The following MACROD2 variants were observed in gnomAD, a reference collection of about 807,000 sequenced individuals.
MACROD2 encodes the protein mono-ADP ribosylhydrolase 2.
A neutral mutation model predicts 70.4 loss-of-function variants in MACROD2; 36 were observed. The observed-to-expected ratio is 0.51, with a 90% CI of 0.39 to 0.68. The LOEUF is 0.68. Among genes scored for constraint, MACROD2 ranks in the 30% least tolerant of loss-of-function variants. The pLI, the probability that MACROD2 is intolerant of heterozygous loss-of-function variation, is 0.00. For missense variants in MACROD2, 496 were observed against 538.4 expected, an observed-to-expected ratio of 0.92 and a Z score of 0.78; for synonymous variants, 172 against 178.8, an observed-to-expected ratio of 0.96 and a Z score of 0.30.
At chr20:15,975,496 C>T (rs1163843650) in intron 13 of MACROD2, among the ~76,000 whole-genome samples, 1 of 152,068 alleles carries the variant, frequency 6.6e-6, no homozygotes, top group Non-Finnish European at 1.5e-5. Flanking sequence ...TGAAAGCTCA[C>T]CCATAACGTG....
intron 3 of MACROD2, among the ~76,000 whole-genome samples, chr20:14,134,450 A>C (rs748000052): frequency 6.6e-6 from 1 of 152,196 alleles, no homozygotes; most frequent in Non-Finnish European, 1.5e-5. Flanking sequence ...TACCTACAGG[A>C]GTCTAATATA....
chr20:14,885,986 G>T (rs2073670468), intron 5 of MACROD2, among the ~76,000 whole-genome samples: 1 of 152,154 alleles, frequency 6.6e-6, no homozygotes, highest in Admixed American at 6.6e-5. Flanking sequence ...CTTTTGTCAT[G>T]GGATTTATCC....
At chr20:15,732,848 A>C (rs1367557951) in intron 8 of MACROD2, among the ~76,000 whole-genome samples, 2 of 151,882 alleles carry the variant, frequency 1.3e-5, no homozygotes, top group Non-Finnish European at 2.9e-5. Context: ...TGTCTTCTGA[A>C]AGAGATTGTA....
intron 4 of MACROD2, among the ~76,000 whole-genome samples, chr20:14,562,697 C>T (rs192095001): frequency 7.9e-5 from 12 of 151,960 alleles, no homozygotes; most frequent in African/African-American, 2.9e-4. Flanking sequence ...ACCCTAGACC[C>T]TAAATTGGTT....
chr20:14,030,277 A>G (rs2053230195), intron 2 of MACROD2, among the ~76,000 whole-genome samples: 1 of 152,070 alleles, frequency 6.6e-6, no homozygotes, highest in Admixed American at 6.5e-5. Context: ...GGCTCAAACC[A>G]TCCATCTGCT....
At chr20:14,205,528 C>T (rs138948582) in intron 3 of MACROD2, among the ~76,000 whole-genome samples, 19 of 152,306 alleles carry the variant, frequency 1.2e-4, no homozygotes, top group South Asian at 6.2e-4. Flanking sequence ...CCCACCCTTC[C>T]GGTGCGCATG....
At chr20:15,142,513 TA>T (rs1414866371) in intron 5 of MACROD2, among the ~76,000 whole-genome samples, 3 of 152,222 alleles carry the variant, frequency 2.0e-5, no homozygotes, top group African/African-American at 4.8e-5. Flanking sequence ...TTACTACTTT[TA>T]TTTTTTTATT....
intron 8 of MACROD2, among the ~76,000 whole-genome samples, chr20:15,683,876 G>T (rs2050193412): frequency 6.6e-6 from 1 of 152,072 alleles, no homozygotes; most frequent in Non-Finnish European, 1.5e-5. Flanking sequence ...CATCGCGCCT[G>T]GCTGCTTAGC....
chr20:14,192,702 AT>A lies in MACROD2; in HGVS notation c.271+106975del, dbSNP rs1194242181. Among the ~76,000 whole-genome samples the A allele has an allele frequency of 2.0e-5, 3 of 152,206 alleles. No individual in the cohort carries two copies. The East Asian group carries it at 5.8e-4, about 29-fold the overall frequency. On this transcript the variant is annotated intron_variant, in intron 3 of 17. Coordinates refer to ENST00000684519, the MANE Select transcript of MACROD2 (RefSeq NM_001351661.2). ...CTCCCCACAAGGGCCACTTGGGAGT[AT>A]AGATAAACTGCTCGTTGATCTCTGG...
intron 6 of MACROD2, among the ~76,000 whole-genome samples, chr20:15,262,174 T>A (rs939766382): frequency 1.8e-4 from 28 of 152,072 alleles, no homozygotes; most frequent in African/African-American, 6.7e-4. Flanking sequence ...TTTGTACCCA[T>A]TAACCATCCA....
At chr20:15,032,231 C>T (rs140811236) in intron 5 of MACROD2, among the ~76,000 whole-genome samples, 1 of 152,292 alleles carries the variant, frequency 6.6e-6, no homozygotes, top group African/African-American at 2.4e-5. Flanking sequence ...TTCCTGGGTC[C>T]GGAGCTGTGG....
chr20:14,220,799 A>G (rs1043276178), intron 3 of MACROD2, among the ~76,000 whole-genome samples: 1 of 152,154 alleles, frequency 6.6e-6, no homozygotes, highest in Non-Finnish European at 1.5e-5. Flanking sequence ...CGGCTTCTCC[A>G]GTGGGGCTGT....
chr20:15,077,936 AG>A (rs895251916), intron 5 of MACROD2, among the ~76,000 whole-genome samples: 30 of 151,558 alleles, frequency 2.0e-4, no homozygotes, highest in Admixed American at 8.5e-4. Context: ...GGGCTGGGGG[AG>A]GGGGAGGCAT....
intron 5 of MACROD2, among the ~76,000 whole-genome samples, chr20:15,079,606 GGC>G (rs2075687177): frequency 6.6e-6 from 1 of 151,866 alleles, no homozygotes; most frequent in African/African-American, 2.4e-5. Context: ...ACACCTCCCT[GGC>G]ATGGAGTTCA....
intron 10 of MACROD2, among the ~76,000 whole-genome samples, chr20:15,918,049 T>C (rs2065345933): frequency 6.6e-6 from 1 of 152,184 alleles, no homozygotes; most frequent in Non-Finnish European, 1.5e-5. Context: ...GGGAGTTCTA[T>C]GAATAAATAA....
intron 15 of MACROD2, among the ~76,000 whole-genome samples, chr20:16,033,211 CTGTG>C (rs2067178514): frequency 6.6e-6 from 1 of 151,990 alleles, no homozygotes. Context: ...GAAAGAGAGA[CTGTG>C]TGACATTTTA....
intron 8 of MACROD2, among the ~76,000 whole-genome samples, chr20:15,684,211 A>G (rs1367993567): frequency 1.3e-5 from 2 of 152,190 alleles, no homozygotes; most frequent in East Asian, 3.9e-4. Flanking sequence ...TCCTATACAG[A>G]GGCTTTGTCA....
chr20:14,981,254 A>G (rs981531185), intron 5 of MACROD2, among the ~76,000 whole-genome samples: 3 of 152,024 alleles, frequency 2.0e-5, no homozygotes, highest in African/African-American at 7.2e-5. Context: ...AAACCCTTGG[A>G]CACATTAAAT....
chr20:15,994,355 T>A (rs905812566), intron 15 of MACROD2, among the ~76,000 whole-genome samples: 12 of 152,178 alleles, frequency 7.9e-5, no homozygotes, highest in African/African-American at 2.7e-4. Flanking sequence ...CTTATTAAAG[T>A]AAGACACAAT....
Sources: gnomAD v4.1 joint callset for allele counts (sites outside exome capture counted in the v4.1 genomes callset) on GRCh38, gnomAD v4.1.1 for gene constraint, MANE v1.5 for transcripts, NCBI Gene and HGNC (gene_info 2026-07-23, HGNC 2026-07-21) for gene names.